TMEM132B: variants seen among roughly 807,000 people sequenced by gnomAD.
The protein encoded by TMEM132B is transmembrane protein 132B.
TMEM132B carries 18 observed loss-of-function variants against 90.8 expected under a neutral mutation model. That is an observed-to-expected ratio of 0.20 (90% CI 0.14 to 0.29). TMEM132B has a LOEUF of 0.29. Among genes scored for constraint, TMEM132B ranks in the 10% least tolerant of loss-of-function variants. The probability of loss-of-function intolerance (pLI) is 1.00; values close to 1 mark genes in which losing one functional copy is unlikely to be tolerated. For synonymous variants in TMEM132B, 504 were observed against 523.3 expected, an observed-to-expected ratio of 0.96 and a Z score of 0.50; for missense variants, 1,096 against 1,326.8, an observed-to-expected ratio of 0.83 and a Z score of 2.70.
At chr12:125,264,561 TG>T (rs1874642835) in intron 1 of TMEM132B, among the ~76,000 whole-genome samples, 1 of 152,162 alleles carries the variant, frequency 6.6e-6, no homozygotes, top group South Asian at 2.1e-4. Flanking sequence ...TGGACTGTTT[TG>T]GGTGGGAGGA....
chr12:125,377,844 C>CA (rs968504917), intron 2 of TMEM132B, among the ~76,000 whole-genome samples: 6 of 152,110 alleles, frequency 3.9e-5, no homozygotes, highest in African/African-American at 1.4e-4. Context: ...AGCACCCACC[C>CA]AGCTGGTGAG....
chr12:125,281,154 C>T (rs1875158574), intron 1 of TMEM132B, among the ~76,000 whole-genome samples: 1 of 152,126 alleles, frequency 6.6e-6, no homozygotes, highest in African/African-American at 2.4e-5. Context: ...GGAAGAGTCA[C>T]CCCTTCCAGC....
intron 3 of TMEM132B, among the ~76,000 whole-genome samples, chr12:125,504,768 T>C (rs1349972096): frequency 1.3e-5 from 2 of 152,106 alleles, no homozygotes; most frequent in Non-Finnish European, 2.9e-5. Flanking sequence ...TTTTATGACT[T>C]AGACACTGAT....
chr12:125,424,491 C>T (rs1414193811), intron 3 of TMEM132B, among the ~76,000 whole-genome samples: 2 of 152,164 alleles, frequency 1.3e-5, no homozygotes, highest in Admixed American at 1.3e-4. Flanking sequence ...TGTTTGTTTG[C>T]GAATGTTTTT....
chr12:125,574,532 C>T (rs1034897301), intron 4 of TMEM132B, among the ~76,000 whole-genome samples: 9 of 152,152 alleles, frequency 5.9e-5, no homozygotes, highest in Admixed American at 3.3e-4. Flanking sequence ...ACTGACTCTA[C>T]GGATTAGAAG....
At chr12:125,491,166 C>T (rs1177735829) in intron 3 of TMEM132B, among the ~76,000 whole-genome samples, 1 of 152,078 alleles carries the variant, frequency 6.6e-6, no homozygotes, top group Non-Finnish European at 1.5e-5. Flanking sequence ...TGAAATAATA[C>T]ATGTTTATTG....
intron 5 of TMEM132B, among the ~76,000 whole-genome samples, chr12:125,595,477 G>A (rs1990030): frequency 0.11 from 16,217 of 152,154 alleles, 1,168 homozygotes; most frequent in South Asian, 0.23. Flanking sequence ...AATAACTAGC[G>A]TTTATTGAGC....
At chr12:125,286,483 G>T (rs1875360151) in intron 1 of TMEM132B, among the ~76,000 whole-genome samples, 1 of 151,736 alleles carries the variant, frequency 6.6e-6, no homozygotes, top group Non-Finnish European at 1.5e-5. Context: ...AACACCTTTT[G>T]GTGGGAAAAT....
intron 1 of TMEM132B, among the ~76,000 whole-genome samples, chr12:125,345,717 G>A (rs1051009239): frequency 1.3e-5 from 2 of 152,120 alleles, no homozygotes; most frequent in African/African-American, 4.8e-5. Flanking sequence ...GGCTCATAAG[G>A]AGGGCAGTGA....
At chr12:125,594,471 T>C (rs1885392433) in intron 5 of TMEM132B, among the ~76,000 whole-genome samples, 1 of 152,242 alleles carries the variant, frequency 6.6e-6, no homozygotes, top group African/African-American at 2.4e-5. Context: ...TTTTCTAAAG[T>C]GGTTACACCA....
At chr12:125,491,741 C>T (rs888037294) in intron 3 of TMEM132B, among the ~76,000 whole-genome samples, 4 of 152,190 alleles carry the variant, frequency 2.6e-5, no homozygotes, top group African/African-American at 7.2e-5. Context: ...AACCCACTGG[C>T]TCGATGGATC....
chr12:125,563,062 A>G (rs895546042), intron 4 of TMEM132B, among the ~76,000 whole-genome samples: 1 of 151,908 alleles, frequency 6.6e-6, no homozygotes, highest in African/African-American at 2.4e-5. Flanking sequence ...TTAAGTTTGC[A>G]TCTCACATAG....
At chr12:125,286,129 A>C (rs1179243225) in intron 1 of TMEM132B, among the ~76,000 whole-genome samples, 1 of 152,228 alleles carries the variant, frequency 6.6e-6, no homozygotes, top group Non-Finnish European at 1.5e-5. Flanking sequence ...CAGCCTTCTA[A>C]GGCAGGGATT....
intron 3 of TMEM132B, among the ~76,000 whole-genome samples, chr12:125,480,878 G>A (rs1006115391): frequency 6.6e-6 from 1 of 151,962 alleles, no homozygotes; most frequent in African/African-American, 2.4e-5. Flanking sequence ...CTGGCAAACC[G>A]AATCCAGCAG....
intron 3 of TMEM132B, among the ~76,000 whole-genome samples, chr12:125,516,859 T>C (rs1257158199): frequency 6.6e-6 from 1 of 152,222 alleles, no homozygotes; most frequent in Admixed American, 6.5e-5. Context: ...ATTGAAAATT[T>C]GGTCTGACAG....
chr12:125,252,645 C>G (rs1254636991), intron 1 of TMEM132B, among the ~76,000 whole-genome samples: 1 of 152,190 alleles, frequency 6.6e-6, no homozygotes, highest in Non-Finnish European at 1.5e-5. Flanking sequence ...GTTGCATGGA[C>G]TTTTGTCTCA....
chr12:125,350,397 G>A (rs1371145650), intron 2 of TMEM132B, 54 bp downstream of exon 2: 3 of 1,527,932 alleles, frequency 2.0e-6, no homozygotes, highest in South Asian at 2.6e-5. Context: ...AGTAATCAAT[G>A]AATTGTCAAT....
At chr12:125,651,026 G>A (rs1401574341) in intron 7 of TMEM132B, 73 bp downstream of exon 7, 67 of 1,557,760 alleles carry the variant, frequency 4.3e-5, no homozygotes, top group Non-Finnish European at 5.8e-5. Flanking sequence ...TTGTGCAGAT[G>A]TGTGTCTGTG....
At chr12:125,339,066 C>G (rs891392643) in intron 1 of TMEM132B, among the ~76,000 whole-genome samples, 2 of 122,994 alleles carry the variant, frequency 1.6e-5, no homozygotes, top group African/African-American at 3.1e-5. Context: ...AGCTAACAGT[C>G]CATTTGAGTT....
Sources: gnomAD v4.1 joint callset for allele counts (sites outside exome capture counted in the v4.1 genomes callset) on GRCh38, gnomAD v4.1.1 for gene constraint, MANE v1.5 for transcripts, NCBI Gene and HGNC (gene_info 2026-07-23, HGNC 2026-07-21) for gene names.